The following SLC6A16 variants were observed in gnomAD, a reference collection of about 807,000 sequenced individuals.
SLC6A16 encodes the protein solute carrier family 6 member 16, also known as orphan sodium- and chloride-dependent neurotransmitter transporter NTT5.
A neutral mutation model predicts 65.4 loss-of-function variants in SLC6A16; 54 were observed. That is an observed-to-expected ratio of 0.83 (90% CI 0.66 to 1.04). The LOEUF (loss-of-function observed/expected upper bound fraction) is 1.04, where lower values mean the gene tolerates loss of function less well. Among genes scored for constraint, SLC6A16 ranks in the 50% least tolerant of loss-of-function variants. The probability of loss-of-function intolerance (pLI) is 0.00; values close to 1 mark genes in which losing one functional copy is unlikely to be tolerated. For synonymous variants in SLC6A16, 330 were observed against 346.5 expected (o/e 0.95, Z 0.53); for missense variants, 816 against 914.0 (o/e 0.89, Z 1.38).
chr19:49,291,025 T>C (rs1970068046), intron 10 of SLC6A16, among the ~76,000 whole-genome samples: 1 of 152,190 alleles, frequency 6.6e-6, no homozygotes, highest in Non-Finnish European at 1.5e-5. Context: ...GCCAAGTCTC[T>C]TTCATTCATC....
intron 5 of SLC6A16, 42 bp from the exon 6 acceptor site, chr19:49,309,453 G>A (rs200748418): frequency 3.4e-6 from 5 of 1,483,670 alleles, no homozygotes; most frequent in Non-Finnish European, 4.7e-6. Context: ...TGTACCAGTA[G>A]GGGTCAACCA....
the SLC6A16 span, among the ~76,000 whole-genome samples, chr19:49,330,791 A>G: frequency 3.3e-5 from 5 of 152,132 alleles, no homozygotes; most frequent in African/African-American, 9.6e-5. Flanking sequence ...AAAATACAAA[A>G]ATTAGCTGGG....
chr19:49,317,472 CAA>C (rs1322040000), intron 1 of SLC6A16, among the ~76,000 whole-genome samples: 1 of 151,938 alleles, frequency 6.6e-6, no homozygotes, highest in East Asian at 1.9e-4. Context: ...ACCATGAAAG[CAA>C]AACAGTGTCT....
rs774276779 is a variant in SLC6A16, at chr19:49,293,892, T to A, written c.1553A>T (p.Gln518Leu). The A allele has an allele frequency of 1.6e-5, 26 of 1,613,982 alleles. No homozygotes were observed. Among genetic ancestry groups the A allele is most frequent in the Non-Finnish European group, 1.9e-5 (22 of 1,180,034 alleles). The change falls in exon 9 of 12, where the codon CAG becomes CTG. Residue 518 changes from glutamine to leucine, a missense_variant. Transcript: ENST00000335875. ...GTCCTGGAGTGGAGTAATGATGCCC[T>A]GCATAATCCCTATTGCGCTGCTCAG... The part of the protein sequence containing the change: ...MGLSSAIGIM[Q>L]GIITPLQDTF...
the SLC6A16 span, chr19:49,335,829 A>C: frequency 6.6e-7 from 1 of 1,512,736 alleles, no homozygotes; most frequent in Non-Finnish European, 9.2e-7. This position sits in a 1 kb window ranked among gnomAD's most constrained non-coding sequence, Gnocchi z 4.6. Context: ...CCCCAACCCA[A>C]GCAACTTCCT....
At chr19:49,295,823 T>A (rs1970175651) in intron 7 of SLC6A16, among the ~76,000 whole-genome samples, 2 of 152,148 alleles carry the variant, frequency 1.3e-5, no homozygotes, top group South Asian at 4.1e-4. Context: ...AGAATAGAAG[T>A]TCCCCTCTTA....
the SLC6A16 span, chr19:49,335,845 C>A: frequency 1.4e-6 from 2 of 1,395,632 alleles, no homozygotes; most frequent in South Asian, 1.2e-5. The surrounding 1 kb of genome is among the most constrained non-coding windows in gnomAD (Gnocchi z 4.6). Flanking sequence ...TTCCTGGGGT[C>A]TCCCTTGTCT....
At chr19:49,315,738 C>T (rs144589208) in intron 1 of SLC6A16, among the ~76,000 whole-genome samples, 246 of 151,818 alleles carry the variant, frequency 1.6e-3, no homozygotes, top group African/African-American at 5.6e-3. Flanking sequence ...TGATGATTTA[C>T]GGAGAAAAAC....
chr19:49,334,792 C>CAG, the SLC6A16 span, among the ~76,000 whole-genome samples: 1 of 152,068 alleles, frequency 6.6e-6, no homozygotes, highest in East Asian at 1.9e-4. Flanking sequence ...ACTCAGAAGG[C>CAG]AGAGGTGGGA....
At position 49,308,907 on chromosome 19, in the gene SLC6A16, C is replaced by T. The variant is rs775289520; in HGVS notation, c.1198G>A (p.Ala400Thr). ...SFNFCVLGFW[A>T]TVITHRCCER... is the part of the protein sequence containing the mutation. ...CAGCAGCGATGTGTGATGACTGTCG[C>T]CCAGAAGCCCAGGACACAGAAGTTG... Residue 400 changes from alanine to threonine, a missense_variant, in exon 7 of 12, where the codon GCG becomes ACG. Ala to Thr is a moderately conservative substitution (Grantham distance 58). Transcript: ENST00000335875. 1 of 1,614,098 alleles carries T rather than the reference C, an allele frequency of 6.2e-7. No homozygotes were observed. Among genetic ancestry groups the T allele is most frequent in the South Asian group, 1.1e-5 (1 of 91,086 alleles).
chr19:49,296,435 G>A (rs1397017984), intron 7 of SLC6A16, among the ~76,000 whole-genome samples: 1 of 152,050 alleles, frequency 6.6e-6, no homozygotes, highest in Non-Finnish European at 1.5e-5. Flanking sequence ...GGGAGGTATT[G>A]GTGTAAAAAA....
the SLC6A16 span, chr19:49,335,852 G>C: frequency 7.7e-7 from 1 of 1,291,282 alleles, no homozygotes; most frequent in Non-Finnish European, 1.1e-6. This position sits in a 1 kb window ranked among gnomAD's most constrained non-coding sequence, Gnocchi z 4.6. Flanking sequence ...GGTCTCCCTT[G>C]TCTCAGGGAG....
intron 1 of SLC6A16, among the ~76,000 whole-genome samples, chr19:49,324,122 G>A (rs921567810): frequency 6.6e-6 from 1 of 152,120 alleles, no homozygotes; most frequent in African/African-American, 2.4e-5. Context: ...CTGAGGTCAG[G>A]AGCTCGAGAC....
At position 49,293,294 on chromosome 19, in the gene SLC6A16, C is replaced by G. The variant is rs888457288; in HGVS notation, c.1707G>C (p.Trp569Cys). ...SYFIRLLSDY[W>C]IVFPIIVVVV... The stretch of plus-strand genomic sequence containing the variant: ...CAACGACGATGATGGGGAAGACTAT[C>G]CAGTAGTCACTCAGCAGTCTGATGA... The change falls in exon 10 of 12, where the codon TGG (tryptophan) becomes TGC (cysteine). Residue 569 changes from tryptophan to cysteine, a missense_variant. By Grantham distance (215) the Trp-to-Cys change is radical. Transcript: ENST00000335875. 1 of 1,614,134 alleles carries G rather than the reference C, an allele frequency of 6.2e-7. No homozygotes were observed. Among genetic ancestry groups the G allele is most frequent in the Non-Finnish European group, 8.5e-7 (1 of 1,180,000 alleles).
At chr19:49,317,581 C>T (rs1051390420) in intron 1 of SLC6A16, among the ~76,000 whole-genome samples, 4 of 151,734 alleles carry the variant, frequency 2.6e-5, no homozygotes, top group African/African-American at 4.8e-5. Context: ...CCGAGGCGGG[C>T]GGACCACGAG....
At position 49,293,900 on chromosome 19, in the gene SLC6A16, C is replaced by T. The variant is rs1970129981; in HGVS notation, c.1545G>A (p.Gly515=). The T allele has an allele frequency of 7.4e-6, 12 of 1,613,988 alleles. No individual in the cohort carries two copies. Among genetic ancestry groups the T allele is most frequent in the South Asian group, 1.1e-5 (1 of 91,062 alleles). ...LLAMGLSSAI[G]IMQGIITPLQ... is the part of the protein sequence containing the mutation. ...GTGGAGTAATGATGCCCTGCATAAT[C>T]CCTATTGCGCTGCTCAGCCCCATGG... The change falls in exon 9 of 12, where the codon GGG becomes GGA. Residue 515 remains glycine, a synonymous_variant. Transcript: ENST00000335875.
chr19:49,332,232 T>C, the SLC6A16 span: 1 of 456,722 alleles, frequency 2.2e-6, no homozygotes, highest in Non-Finnish European at 4.4e-6. Flanking sequence ...GCTCTCCTCT[T>C]CTGTGTCTTC....
chr19:49,333,041 A>G, the SLC6A16 span, among the ~76,000 whole-genome samples: 45 of 151,948 alleles, frequency 3.0e-4, no homozygotes, highest in Middle Eastern at 3.4e-3. Flanking sequence ...GCATGCCTGT[A>G]ATCCCAGCTA....
intron 1 of SLC6A16, among the ~76,000 whole-genome samples, chr19:49,319,502 T>C (rs1482212920): frequency 6.6e-6 from 1 of 150,642 alleles, no homozygotes; most frequent in African/African-American, 2.4e-5. Context: ...TATACATATA[T>C]GTGTATATGT....
Sources: gnomAD v4.1 joint callset for allele counts (sites outside exome capture counted in the v4.1 genomes callset) on GRCh38, gnomAD v4.1.1 for gene constraint, Gnocchi (gnomAD v3.1) non-coding constraint, MANE v1.5 for transcripts, NCBI Gene and HGNC (gene_info 2026-07-23, HGNC 2026-07-21) for gene names.